IL16: variants seen among roughly 807,000 people sequenced by gnomAD.
The protein encoded by IL16 is pro-interleukin-16.
IL16 carries 67 observed loss-of-function variants against 110.1 expected under a neutral mutation model. The ratio of observed to expected loss-of-function variants is 0.61; its 90% CI spans 0.50 to 0.75. The LOEUF is 0.75. Among genes scored for constraint, IL16 ranks in the 30% least tolerant of loss-of-function variants. The probability of loss-of-function intolerance (pLI) is 0.00; values close to 1 mark genes in which losing one functional copy is unlikely to be tolerated. For synonymous variants in IL16, 689 were observed against 662.9 expected (o/e 1.04, Z -0.61); for missense variants, 1,545 against 1,655.0 (o/e 0.93, Z 1.15).
intron 1 of IL16, among the ~76,000 whole-genome samples, chr15:81,185,196 T>A (rs1383120263): frequency 2.0e-5 from 3 of 152,274 alleles, no homozygotes; most frequent in African/African-American, 7.2e-5. Flanking sequence ...CTGCCATATG[T>A]CTTTGATAGT....
chr15:81,195,444 G>A (rs745321326), upstream of IL16, among the ~76,000 whole-genome samples: 2 of 152,264 alleles, frequency 1.3e-5, no homozygotes, highest in South Asian at 4.1e-4. Context: ...TGACAGAGGC[G>A]CTCACTCTCT....
intron 2 of IL16, among the ~76,000 whole-genome samples, chr15:81,228,379 G>C (rs1259041087): frequency 1.3e-5 from 2 of 151,852 alleles, no homozygotes; most frequent in African/African-American, 4.8e-5. Context: ...GGAGTACAGG[G>C]GTGCGATCTC....
chr15:81,297,165 T>A, intron 13 of IL16, 87 bp downstream of exon 13: 47 of 1,278,668 alleles, frequency 3.7e-5, no homozygotes, highest in Middle Eastern at 2.4e-4. Flanking sequence ...GGCCTGAGGA[T>A]CAGAGTGCTC....
chr15:81,189,926 G>A (rs892886447), intron 1 of IL16, among the ~76,000 whole-genome samples: 12 of 152,200 alleles, frequency 7.9e-5, no homozygotes, highest in Admixed American at 6.5e-4. Flanking sequence ...GGCAGGAAGC[G>A]GCGTTCCTCA....
intron 18 of IL16, chr15:81,306,791 C>T (rs569146434): frequency 7.4e-5 from 39 of 529,020 alleles, no homozygotes; most frequent in South Asian, 5.8e-4. Context: ...GGGCTTGGTT[C>T]GGGTTGGCAG....
chr15:81,225,757 TG>T, intron 2 of IL16, 46 bp downstream of exon 2: 1 of 1,446,034 alleles, frequency 6.9e-7, no homozygotes, highest in African/African-American at 1.4e-5. Flanking sequence ...AGTTGGTTTC[TG>T]GTGCTGTGAA....
chr15:81,262,969 T>C (rs143770865), intron 3 of IL16, among the ~76,000 whole-genome samples: 1 of 152,192 alleles, frequency 6.6e-6, no homozygotes, highest in Admixed American at 6.5e-5. Context: ...GAAATCAGTG[T>C]TATAGATCAT....
chr15:81,216,320 G>A (rs912540096), intron 1 of IL16, among the ~76,000 whole-genome samples: 3 of 152,152 alleles, frequency 2.0e-5, no homozygotes, highest in African/African-American at 7.2e-5. Flanking sequence ...AGAGGCTGGT[G>A]GCAAGAGTGA....
upstream of IL16, among the ~76,000 whole-genome samples, chr15:81,193,568 AAAAG>A (rs1250802148): frequency 6.6e-6 from 1 of 152,186 alleles, no homozygotes; most frequent in East Asian, 1.9e-4. Flanking sequence ...TTGAAAGAAA[AAAAG>A]GCCAGAGAGA....
At chr15:81,247,088 T>C (rs1897587209) in intron 2 of IL16, among the ~76,000 whole-genome samples, 2 of 147,890 alleles carry the variant, frequency 1.4e-5, no homozygotes, top group South Asian at 2.1e-4. Context: ...TTTTTTTTTT[T>C]TTTTTTTTGA....
rs1900875316 is a variant in IL16, at chr15:81,311,887, C to A, written c.*3089C>A. 6.6e-6 allele frequency: 1 copy of A among 152,232 alleles called. No individual in the cohort carries two copies. Among genetic ancestry groups the A allele is most frequent in the African/African-American group, 2.4e-5 (1 of 41,460 alleles). The allele number at this position is 152,232 out of a possible 1,614,324, so 9.4% of individuals were successfully genotyped here. A position where few individuals can be genotyped will look rare whatever the true frequency, so the allele number is the denominator to read the frequency against. On this transcript the variant is annotated 3_prime_UTR_variant, in exon 19 of 19. Coordinates refer to ENST00000683961, the MANE Select transcript of IL16 (RefSeq NM_172217.5). ...ATAGAACAGAGAAAGAGGAAGCTTT[C>A]TGTCTCCTTAACACTGAGCTGTCAT...
intron 2 of IL16, among the ~76,000 whole-genome samples, chr15:81,255,075 T>C (rs115750154): frequency 0.011 from 1,628 of 152,314 alleles, 21 homozygotes; most frequent in African/African-American, 0.038. Flanking sequence ...GACTCATTTC[T>C]GATGAAGAAA....
Position 81,293,599 on chromosome 15 carries a change from G to T in IL16, c.1902+562G>T, listed in dbSNP as rs530648660. Among the ~76,000 whole-genome samples, 21 of 152,332 alleles carry T rather than the reference G, an allele frequency of 1.4e-4. No homozygotes were observed. The East Asian group carries it at 3.9e-3, about 28-fold the overall frequency. ...GCCTGTAATCCCAGCTACGCAGGAG[G>T]CTGAGGCAGGGAATTGCTTAAACCC... On this transcript the variant is annotated intron_variant, in intron 12 of 18. Coordinates refer to ENST00000683961, the MANE Select transcript of IL16 (RefSeq NM_172217.5).
In IL16 at chr15:81,312,470, G is replaced by A. The variant is rs1900911133; in HGVS notation, c.*3672G>A. The A allele has an allele frequency of 2.0e-5, 3 of 152,294 alleles. No homozygotes were observed. Among genetic ancestry groups the A allele is most frequent in the Admixed American group, 2.0e-4 (3 of 15,286 alleles). 9.4% of individuals were successfully genotyped at this position (152,294 alleles called of 1,614,324 possible). ...AATGCCCAAGGGAAAGAAAAGGAAG[G>A]CTCTTCTCCCCAGAGTTCCCCATGC... On this transcript the variant is annotated 3_prime_UTR_variant, in exon 19 of 19. Coordinates refer to ENST00000683961, the MANE Select transcript of IL16 (RefSeq NM_172217.5).
chr15:81,305,489 C>A (rs1045803491), intron 16 of IL16, among the ~76,000 whole-genome samples: 1 of 152,164 alleles, frequency 6.6e-6, no homozygotes, highest in African/African-American at 2.4e-5. Flanking sequence ...CACTGGGAGA[C>A]CCTGTCTCTA....
At chr15:81,233,463 G>C (rs942498214) in intron 2 of IL16, among the ~76,000 whole-genome samples, 2 of 120,318 alleles carry the variant, frequency 1.7e-5, no homozygotes, top group Non-Finnish European at 3.0e-5. Flanking sequence ...CTCTTTCTGT[G>C]TGTGTGTGTG....
chr15:81,214,109 T>C (rs1045378687), intron 1 of IL16, among the ~76,000 whole-genome samples: 2 of 152,218 alleles, frequency 1.3e-5, no homozygotes, highest in African/African-American at 4.8e-5. Flanking sequence ...AAAAATCTCT[T>C]GTAAGGCTTG....
chr15:81,260,576 C>T (rs1461916851), intron 3 of IL16, among the ~76,000 whole-genome samples: 1 of 152,160 alleles, frequency 6.6e-6, no homozygotes, highest in East Asian at 1.9e-4. Flanking sequence ...GTATTTAAGT[C>T]ATTCTCAGGT....
In IL16 at chr15:81,188,390, G is replaced by C. The variant is rs759312005; in HGVS notation, c.40+5494G>C. Reference sequence around the variant, plus strand: ...GCACTGCGGGCGAGATGGAGCTGAGGGAAGGCAGAGCTGGTACGTGTTGAA... The same window carrying C: ...GCACTGCGGGCGAGATGGAGCTGAGCGAAGGCAGAGCTGGTACGTGTTGAA... On this transcript the variant is annotated intron_variant, in intron 1 of 18. Coordinates refer to the IL16 transcript ENST00000302987. The C allele has an allele frequency of 1.1e-5, 5 of 456,336 alleles. No homozygotes were observed. The Admixed American group carries it at 1.2e-4, about 11-fold the overall frequency. The allele number at this position is 456,336 out of a possible 1,614,324, so 28.3% of individuals were successfully genotyped here.
Sources: allele counts gnomAD v4.1 joint callset (sites outside exome capture counted in the v4.1 genomes callset), GRCh38; gene constraint gnomAD v4.1.1; transcripts MANE v1.5; gene names NCBI Gene and HGNC (gene_info 2026-07-23, HGNC 2026-07-21).